STYK1: variants seen among roughly 807,000 people sequenced by gnomAD.
STYK1 encodes the protein tyrosine-protein kinase STYK1.
A neutral mutation model predicts 48.1 loss-of-function variants in STYK1; 46 were observed. The observed-to-expected ratio is 0.96, with a 90% confidence interval of 0.75 to 1.22. The LOEUF (loss-of-function observed/expected upper bound fraction) is 1.22, where lower values mean the gene tolerates loss of function less well. STYK1 is among the 50% of genes most tolerant of loss of function. The probability of loss-of-function intolerance (pLI) is 0.00; values close to 1 mark genes in which losing one functional copy is unlikely to be tolerated. For missense variants in STYK1, 527 were observed against 521.1 expected (o/e 1.01, Z -0.11); for synonymous variants, 188 against 189.0 (o/e 0.99, Z 0.04).
intron 4 of STYK1, among the ~76,000 whole-genome samples, chr12:10,632,786 A>C (rs1018134884): frequency 5.3e-5 from 8 of 152,192 alleles, no homozygotes; most frequent in Non-Finnish European, 1.2e-4. Context: ...AGAGAAAGAA[A>C]GGAGTTATCT....
intron 1 of STYK1, among the ~76,000 whole-genome samples, chr12:10,669,066 T>A (rs1282228082): frequency 6.6e-6 from 1 of 151,992 alleles, no homozygotes; most frequent in Non-Finnish European, 1.5e-5. Flanking sequence ...GACCAGCTAT[T>A]TTGTTCATTG....
chr12:10,621,927 T>A lies in STYK1; in HGVS notation c.1013A>T (p.His338Leu). ...PEVPPTSILE[H>L]LQRRKIMKRP... The stretch of plus-strand genomic sequence containing the variant: ...CTTCATGATTTTCCTTCTTTGGAGA[T>A]GCTCTAGGATGCTGGTAGGAGGGAC... The change falls in exon 10 of 11, where the codon CAT becomes CTT. Residue 338 changes from histidine (H) to leucine (L), a missense_variant. His to Leu is a moderately conservative substitution (Grantham distance 99). Coordinates refer to ENST00000075503, the MANE Select transcript of STYK1 (RefSeq NM_018423.3). 1 of 1,613,986 alleles carries A rather than the reference T, an allele frequency of 6.2e-7. No homozygotes were observed. The highest frequency in any genetic ancestry group is 8.5e-7 in the Non-Finnish European group (1 of 1,179,870).
At chr12:10,638,602 C>T (rs1375817593) in intron 1 of STYK1, among the ~76,000 whole-genome samples, 1 of 152,168 alleles carries the variant, frequency 6.6e-6, no homozygotes, top group African/African-American at 2.4e-5. Flanking sequence ...TTTTAATTCA[C>T]ACTATATTCT....
intron 8 of STYK1, among the ~76,000 whole-genome samples, chr12:10,623,682 T>C (rs1947325165): frequency 6.6e-6 from 1 of 152,140 alleles, no homozygotes; most frequent in Non-Finnish European, 1.5e-5. Flanking sequence ...TCTTGTCAAA[T>C]TGTGTGAGGG....
chr12:10,625,363 A>G (rs111851023), intron 7 of STYK1, among the ~76,000 whole-genome samples: 2,186 of 152,076 alleles, frequency 0.014, 57 homozygotes, highest in African/African-American at 0.05. Context: ...GACTACAGGC[A>G]CCCGCCACCA....
At chr12:10,663,919 G>T (rs1215979633) in intron 1 of STYK1, among the ~76,000 whole-genome samples, 3 of 152,062 alleles carry the variant, frequency 2.0e-5, no homozygotes, top group Non-Finnish European at 2.9e-5. Flanking sequence ...GTAGTTTTTG[G>T]TGTACAAGTA....
chr12:10,627,187 CTT>C (rs1323089514), intron 7 of STYK1, among the ~76,000 whole-genome samples: 1 of 152,136 alleles, frequency 6.6e-6, no homozygotes, highest in African/African-American at 2.4e-5. Flanking sequence ...AACTAGTTTT[CTT>C]GTTTCTCAGG....
intron 1 of STYK1, among the ~76,000 whole-genome samples, chr12:10,670,355 T>C (rs1034587671): frequency 6.6e-6 from 1 of 152,160 alleles, no homozygotes; most frequent in East Asian, 1.9e-4. Flanking sequence ...GATAAATGAA[T>C]AAAGTATAAA....
chr12:10,665,541 T>G (rs1434414057), intron 1 of STYK1, among the ~76,000 whole-genome samples: 2 of 152,172 alleles, frequency 1.3e-5, no homozygotes, highest in African/African-American at 4.8e-5. Context: ...TGACTGGATA[T>G]TCCATCTATT....
At chr12:10,664,260 G>A (rs1284083368) in intron 1 of STYK1, among the ~76,000 whole-genome samples, 2 of 152,126 alleles carry the variant, frequency 1.3e-5, no homozygotes, top group East Asian at 3.8e-4. Flanking sequence ...TTCTCAGGTT[G>A]TCATGAATTG....
intron 1 of STYK1, among the ~76,000 whole-genome samples, chr12:10,656,253 C>T (rs934273249): frequency 2.6e-5 from 4 of 152,164 alleles, no homozygotes; most frequent in African/African-American, 7.2e-5. Context: ...TCCCCAGCCA[C>T]GTGGAATTGT....
At chr12:10,667,919 T>A (rs1947849620) in intron 1 of STYK1, among the ~76,000 whole-genome samples, 1 of 152,080 alleles carries the variant, frequency 6.6e-6, no homozygotes, top group Non-Finnish European at 1.5e-5. Context: ...GAAAAGCTAG[T>A]GAAGAAGGAC....
At chr12:10,660,607 A>ACCCTTAG (rs1947766465) in intron 1 of STYK1, among the ~76,000 whole-genome samples, 2 of 32,544 alleles carry the variant, frequency 6.1e-5, no homozygotes, top group Admixed American at 5.4e-4. Flanking sequence ...GGTCAGCCCA[A>ACCCTTAG]GATACAGGTC....
chr12:10,629,444 T>C (rs930679146), intron 6 of STYK1, 49 bp downstream of exon 6: 2 of 1,590,058 alleles, frequency 1.3e-6, no homozygotes, highest in Non-Finnish European at 1.7e-6. Flanking sequence ...AAAAAGCTAG[T>C]CAACAAGGTC....
chr12:10,654,775 G>T (rs559762427), intron 1 of STYK1, among the ~76,000 whole-genome samples: 1 of 152,294 alleles, frequency 6.6e-6, no homozygotes, highest in East Asian at 1.9e-4. Flanking sequence ...GTTAAAAGTG[G>T]ATTTGACACT....
chr12:10,626,157 G>A (rs1239838243), intron 7 of STYK1, among the ~76,000 whole-genome samples: 1 of 152,126 alleles, frequency 6.6e-6, no homozygotes, highest in Non-Finnish European at 1.5e-5. Context: ...AAATTATAGT[G>A]CCATGATAAG....
intron 1 of STYK1, among the ~76,000 whole-genome samples, chr12:10,637,546 T>C (rs897143030): frequency 1.7e-4 from 26 of 152,088 alleles, no homozygotes; most frequent in African/African-American, 6.3e-4. Context: ...TTTCACTGTG[T>C]TAGCCAGGAT....
At position 10,622,606 on chromosome 12, in the gene STYK1, C is replaced by T. The variant is rs1386632560; in HGVS notation, c.967+32G>A. The T allele has an allele frequency of 4.3e-6, 7 of 1,613,286 alleles. No individual in the cohort carries two copies. In the Admixed American group the frequency reaches 6.7e-5, roughly 15 times the overall value. The stretch of plus-strand genomic sequence containing the variant: ...ATAAACACGCTTGCATATTTGCATA[C>T]AGGTACACACTATTTTGGGGCTCAT... On this transcript the variant is annotated intron_variant, in intron 9 of 10. Coordinates refer to ENST00000075503, the MANE Select transcript of STYK1 (RefSeq NM_018423.3).
At chr12:10,627,940 A>G (rs1200318486) in intron 6 of STYK1, among the ~76,000 whole-genome samples, 2 of 152,268 alleles carry the variant, frequency 1.3e-5, no homozygotes, top group African/African-American at 4.8e-5. Flanking sequence ...ATAGATGAAT[A>G]GCAGGTAAGA....
Sources: allele counts gnomAD v4.1 joint callset (sites outside exome capture counted in the v4.1 genomes callset), GRCh38; gene constraint gnomAD v4.1.1; transcripts MANE v1.5; gene names NCBI Gene and HGNC (gene_info 2026-07-23, HGNC 2026-07-21).